Variants in RALGAPA2 observed in about 807,000 individuals in gnomAD.
RALGAPA2 encodes ral GTPase-activating protein subunit alpha-2.
RALGAPA2 carries 139 observed loss-of-function variants against 230.4 expected under a neutral mutation model. That is an observed-to-expected ratio of 0.60 (90% CI 0.53 to 0.69). The LOEUF (loss-of-function observed/expected upper bound fraction) is 0.69. RALGAPA2 is among the 30% of genes least tolerant of loss of function. The pLI is 0.00. For missense variants in RALGAPA2, 2,163 were observed against 2,276.0 expected, an observed-to-expected ratio of 0.95 and a Z score of 1.01; for synonymous variants, 847 against 837.8, an observed-to-expected ratio of 1.01 and a Z score of -0.19.
At chr20:20,678,084 C>T (rs1038381295) in intron 2 of RALGAPA2, among the ~76,000 whole-genome samples, 2 of 152,014 alleles carry the variant, frequency 1.3e-5, no homozygotes, top group African/African-American at 2.4e-5. Context: ...TTCAGTGTTA[C>T]CAGTGTAGGC....
chr20:20,558,066 G>A (rs1046870663), intron 23 of RALGAPA2, among the ~76,000 whole-genome samples: 3 of 151,978 alleles, frequency 2.0e-5, no homozygotes, highest in Middle Eastern at 3.4e-3. Context: ...GTGCAGTGGC[G>A]CAATCTCGGC....
At chr20:20,409,438 C>T (rs1201163761) in intron 38 of RALGAPA2, among the ~76,000 whole-genome samples, 1 of 152,164 alleles carries the variant, frequency 6.6e-6, no homozygotes, top group Non-Finnish European at 1.5e-5. Flanking sequence ...TGTGCATACG[C>T]ATGTGAGCCC....
intron 10 of RALGAPA2, among the ~76,000 whole-genome samples, chr20:20,623,177 T>C (rs1455417703): frequency 6.6e-6 from 1 of 152,100 alleles, no homozygotes; most frequent in Non-Finnish European, 1.5e-5. Context: ...AAGACAAAGA[T>C]TGTAAGATTT....
At chr20:20,553,668 C>T (rs1205132465) in intron 23 of RALGAPA2, among the ~76,000 whole-genome samples, 1 of 152,146 alleles carries the variant, frequency 6.6e-6, no homozygotes, top group African/African-American at 2.4e-5. Flanking sequence ...GGGAAACATG[C>T]AACAAACTCC....
At chr20:20,404,589 G>A (rs1001493013) in intron 38 of RALGAPA2, among the ~76,000 whole-genome samples, 10 of 152,112 alleles carry the variant, frequency 6.6e-5, no homozygotes, top group Non-Finnish European at 8.8e-5. Flanking sequence ...CCGGGGTGTC[G>A]GGAGCTTCAG....
intron 4 of RALGAPA2, among the ~76,000 whole-genome samples, chr20:20,644,116 G>A (rs1801463516): frequency 6.6e-6 from 1 of 152,150 alleles, no homozygotes; most frequent in Non-Finnish European, 1.5e-5. Flanking sequence ...TAGGAGGATA[G>A]AACACTATTA....
At chr20:20,692,825 A>C (rs1481338890) in intron 1 of RALGAPA2, among the ~76,000 whole-genome samples, 1 of 152,210 alleles carries the variant, frequency 6.6e-6, no homozygotes, top group African/African-American at 2.4e-5. Flanking sequence ...TGGACTGTCA[A>C]CATCACCGAA....
At chr20:20,505,090 C>T in intron 34 of RALGAPA2, 1 of 985,402 alleles carries the variant, frequency 1.0e-6, no homozygotes, top group Middle Eastern at 5.2e-4. Flanking sequence ...ATACTGTGGC[C>T]AAAGCCATTG....
At chr20:20,662,277 A>G (rs985230860) in intron 3 of RALGAPA2, among the ~76,000 whole-genome samples, 2 of 151,954 alleles carry the variant, frequency 1.3e-5, no homozygotes, top group Admixed American at 1.3e-4. Flanking sequence ...ATTCTCAATT[A>G]TTTGTGGATT....
chr20:20,424,331 T>C (rs760591401), intron 37 of RALGAPA2, among the ~76,000 whole-genome samples: 4 of 152,104 alleles, frequency 2.6e-5, no homozygotes, highest in Non-Finnish European at 5.9e-5. Flanking sequence ...GACAAGAAAA[T>C]TCGTCATTCA....
chr20:20,568,548 A>T (rs561454926), intron 23 of RALGAPA2, among the ~76,000 whole-genome samples: 1 of 152,356 alleles, frequency 6.6e-6, no homozygotes, highest in East Asian at 1.9e-4. Context: ...AACTCATGAG[A>T]CATCTACTTT....
chr20:20,661,292 G>A (rs191627863), intron 3 of RALGAPA2, among the ~76,000 whole-genome samples: 1 of 152,176 alleles, frequency 6.6e-6, no homozygotes, highest in Non-Finnish European at 1.5e-5. Flanking sequence ...CTGAGTAGCT[G>A]GGATTACAGG....
At chr20:20,666,721 T>TA (rs1355604078) in intron 3 of RALGAPA2, among the ~76,000 whole-genome samples, 5 of 152,198 alleles carry the variant, frequency 3.3e-5, no homozygotes, top group Admixed American at 1.3e-4. Context: ...GAAAAGCCAT[T>TA]AGCCATTGTA....
At chr20:20,534,742 T>C (rs2063456401) in intron 26 of RALGAPA2, among the ~76,000 whole-genome samples, 1 of 152,106 alleles carries the variant, frequency 6.6e-6, no homozygotes, top group Admixed American at 6.5e-5. Flanking sequence ...GAAAATGAAA[T>C]AGTACTTATT....
At chr20:20,658,748 T>G (rs1419938987) in intron 3 of RALGAPA2, among the ~76,000 whole-genome samples, 1 of 152,240 alleles carries the variant, frequency 6.6e-6, no homozygotes, top group South Asian at 2.1e-4. Context: ...AGGAATAATG[T>G]GAAATGTAAG....
At chr20:20,482,542 C>T (rs1324818235) in intron 36 of RALGAPA2, among the ~76,000 whole-genome samples, 2 of 152,038 alleles carry the variant, frequency 1.3e-5, no homozygotes, top group Admixed American at 6.6e-5. Flanking sequence ...TCTTTTCTAG[C>T]GCAGGGTTCC....
At chr20:20,639,287 A>T (rs1297314524) in intron 7 of RALGAPA2, among the ~76,000 whole-genome samples, 4 of 152,248 alleles carry the variant, frequency 2.6e-5, no homozygotes, top group African/African-American at 9.6e-5. Context: ...TATTCTAACT[A>T]TTATTCAGAA....
chr20:20,685,171 G>A (rs936287939), intron 1 of RALGAPA2, among the ~76,000 whole-genome samples: 2 of 151,328 alleles, frequency 1.3e-5, no homozygotes, highest in Admixed American at 6.6e-5. Context: ...CCTTCAGACA[G>A]GCAATCTTGA....
At chr20:20,669,002 A>T (rs1055450749) in intron 3 of RALGAPA2, among the ~76,000 whole-genome samples, 1 of 152,236 alleles carries the variant, frequency 6.6e-6, no homozygotes. Context: ...ATGACAAGAT[A>T]GAAACAGGGT....
Sources: allele counts gnomAD v4.1 joint callset (sites outside exome capture counted in the v4.1 genomes callset), GRCh38; gene constraint gnomAD v4.1.1; transcripts MANE v1.5; gene names NCBI Gene and HGNC (gene_info 2026-07-23, HGNC 2026-07-21).